Variants in PPARD observed in about 807,000 individuals in gnomAD.
PPARD encodes peroxisome proliferator-activated receptor delta.
A neutral mutation model predicts 39.5 loss-of-function variants in PPARD; 6 were observed. The ratio of observed to expected loss-of-function variants is 0.15; its 90% CI spans 0.08 to 0.30. PPARD has a LOEUF of 0.30. Among genes scored for constraint, PPARD ranks in the 10% least tolerant of loss-of-function variants. The pLI is 1.00. For missense variants in PPARD, 397 were observed against 596.8 expected, an observed-to-expected ratio of 0.67 and a Z score of 3.49; for synonymous variants, 210 against 231.3, an observed-to-expected ratio of 0.91 and a Z score of 0.83.
At chr6:35,377,826 G>C (rs1762898600) in intron 2 of PPARD, among the ~76,000 whole-genome samples, 1 of 149,624 alleles carries the variant, frequency 6.7e-6, no homozygotes, top group Admixed American at 6.7e-5. Context: ...TGGGGTCTCT[G>C]TCTGTAGTAA....
chr6:35,393,206 C>T (rs1468514749), intron 2 of PPARD, among the ~76,000 whole-genome samples: 1 of 152,180 alleles, frequency 6.6e-6, no homozygotes, highest in Non-Finnish European at 1.5e-5. Context: ...GAGAGACCCC[C>T]AGGGCTCTGG....
chr6:35,393,572 A>G (rs917579082), intron 2 of PPARD, among the ~76,000 whole-genome samples: 1 of 152,102 alleles, frequency 6.6e-6, no homozygotes, highest in African/African-American at 2.4e-5. Context: ...TTTTTGACCC[A>G]TGTTCTTACT....
chr6:35,381,825 C>T (rs1581585631), intron 2 of PPARD, among the ~76,000 whole-genome samples: 1 of 152,146 alleles, frequency 6.6e-6, no homozygotes, highest in Admixed American at 6.5e-5. Context: ...GCCATTCATT[C>T]AACATTAATT....
chr6:35,349,260 C>CAG (rs1761086498), intron 2 of PPARD, among the ~76,000 whole-genome samples: 1 of 152,102 alleles, frequency 6.6e-6, no homozygotes, highest in South Asian at 2.1e-4. Flanking sequence ...CTCCTGACCT[C>CAG]GTGATCCACC....
At chr6:35,378,009 G>A (rs538880044) in intron 2 of PPARD, among the ~76,000 whole-genome samples, 147 of 151,832 alleles carry the variant, frequency 9.7e-4, no homozygotes, top group South Asian at 3.5e-3. Context: ...GACTACAGGC[G>A]TGCACCACCA....
rs139935219 is a variant in PPARD at position 35,366,631 on chromosome 6, C to G, written c.-102+19481C>G. Among the ~76,000 whole-genome samples, 1,642 of 151,166 alleles carry G rather than the reference C, an allele frequency of 0.011. 47 individuals are homozygous for G. The highest frequency in any genetic ancestry group is 0.037 in the African/African-American group (1,519 of 40,654). On this transcript the variant is annotated intron_variant, in intron 2 of 7. Coordinates refer to ENST00000360694, the MANE Select transcript of PPARD (RefSeq NM_006238.5). This position sits in a 1 kb window ranked among gnomAD's most constrained non-coding sequence, Gnocchi z 4.6. The stretch of plus-strand genomic sequence containing the variant: ...GTGGCATGATCTCGGCTCACTGCAA[C>G]CTCTGCCTCCCGGGTTCAAGCAATT...
At chr6:35,351,146 C>T (rs1010520230) in intron 2 of PPARD, among the ~76,000 whole-genome samples, 6 of 152,068 alleles carry the variant, frequency 3.9e-5, no homozygotes, top group African/African-American at 1.4e-4. Flanking sequence ...CTGCCTCAGC[C>T]TCCCGAGTAG....
intron 2 of PPARD, among the ~76,000 whole-genome samples, chr6:35,362,248 C>A (rs1440281475): frequency 6.6e-6 from 1 of 152,102 alleles, no homozygotes; most frequent in Non-Finnish European, 1.5e-5. Flanking sequence ...TGTCCTCCGA[C>A]CTCCTCTCCC....
chr6:35,384,995 C>G (rs1196256228), intron 2 of PPARD, among the ~76,000 whole-genome samples: 1 of 141,684 alleles, frequency 7.1e-6, no homozygotes, highest in Non-Finnish European at 1.5e-5. Context: ...CCAGCCGCCC[C>G]GTCCGGGAGG....
intron 2 of PPARD, among the ~76,000 whole-genome samples, chr6:35,408,303 A>C (rs1174527327): frequency 6.6e-6 from 1 of 152,212 alleles, no homozygotes; most frequent in African/African-American, 2.4e-5. Context: ...TGAACACTGT[A>C]GCTGCAAGAG....
intron 2 of PPARD, among the ~76,000 whole-genome samples, chr6:35,382,494 A>G (rs1365678320): frequency 6.6e-6 from 1 of 152,246 alleles, no homozygotes; most frequent in Non-Finnish European, 1.5e-5. Flanking sequence ...TCTACTTACT[A>G]TAAAATGTAT....
At chr6:35,404,953 T>TTGTGTGTGTGTG (rs59359748) in intron 2 of PPARD, among the ~76,000 whole-genome samples, 1,898 of 142,164 alleles carry the variant, frequency 0.013, 28 homozygotes, top group African/African-American at 0.031. Flanking sequence ...ACTGCAGGCT[T>TTGTGTGTGTGTG]TGTGTGTGTG....
chr6:35,402,870 C>T (rs1764793418), intron 2 of PPARD, among the ~76,000 whole-genome samples: 1 of 152,158 alleles, frequency 6.6e-6, no homozygotes, highest in Non-Finnish European at 1.5e-5. Flanking sequence ...ATCAGCCAGA[C>T]CCATTCTCCC....
At chr6:35,375,697 A>G (rs1283519937) in intron 2 of PPARD, among the ~76,000 whole-genome samples, 1 of 152,090 alleles carries the variant, frequency 6.6e-6, no homozygotes. Flanking sequence ...TTATAGGTGC[A>G]CACCACCATG....
In PPARD at chr6:35,411,000, A is replaced by G. The variant is rs2150779394; in HGVS notation, c.-88A>G. The G allele has an allele frequency of 3.0e-6, 4 of 1,331,920 alleles. No individual in the cohort carries two copies. Among genetic ancestry groups the G allele is most frequent in the Non-Finnish European group, 1.9e-6 (2 of 1,031,658 alleles). The allele number at this position is 1,331,920 out of a possible 1,614,324, so 82.5% of individuals were successfully genotyped here. A position where few individuals can be genotyped will look rare whatever the true frequency, so the allele number is the denominator to read the frequency against. ...TCCTCTGCCCAGGCTGATGGGAACCACCCTGTAGAGGTCCATCTGCGTTCA... is the reference window on the plus strand; with the variant it reads ...TCCTCTGCCCAGGCTGATGGGAACCGCCCTGTAGAGGTCCATCTGCGTTCA... On this transcript the variant is annotated 5_prime_UTR_variant, in exon 3 of 8. Coordinates refer to ENST00000360694, the MANE Select transcript of PPARD (RefSeq NM_006238.5).
At chr6:35,386,584 A>G (rs186013317) in intron 2 of PPARD, among the ~76,000 whole-genome samples, 78 of 152,214 alleles carry the variant, frequency 5.1e-4, no homozygotes, top group African/African-American at 1.6e-3. Flanking sequence ...CTTCAAGGAG[A>G]CTAACTTCAA....
intron 2 of PPARD, among the ~76,000 whole-genome samples, chr6:35,396,744 C>T (rs975875120): frequency 3.3e-5 from 5 of 151,808 alleles, no homozygotes; most frequent in African/African-American, 9.7e-5. Flanking sequence ...GCAGGAGAAT[C>T]GCTTTAACCC....
intron 2 of PPARD, among the ~76,000 whole-genome samples, chr6:35,395,620 T>A (rs1764266362): frequency 6.6e-6 from 1 of 152,118 alleles, no homozygotes; most frequent in African/African-American, 2.4e-5. Flanking sequence ...GAGGAAAAGG[T>A]GCAGGCCAAG....
chr6:35,378,182 C>T (rs1026696491), intron 2 of PPARD, among the ~76,000 whole-genome samples: 2 of 151,972 alleles, frequency 1.3e-5, no homozygotes, highest in Non-Finnish European at 2.9e-5. Flanking sequence ...TTTTTTCAGC[C>T]GACTCTGACC....
Sources: gnomAD v4.1 joint callset for allele counts (sites outside exome capture counted in the v4.1 genomes callset) on GRCh38, gnomAD v4.1.1 for gene constraint, Gnocchi (gnomAD v3.1) non-coding constraint, MANE v1.5 for transcripts, NCBI Gene and HGNC (gene_info 2026-07-23, HGNC 2026-07-21) for gene names.